DENND5B: variants seen among roughly 807,000 people sequenced by gnomAD.
DENND5B encodes DENN domain-containing protein 5B.
Under a neutral mutation model 140.6 loss-of-function variants are expected in DENND5B, and 34 were observed. That is an observed-to-expected ratio of 0.24 (90% CI 0.18 to 0.32). The LOEUF is 0.32. Among genes scored for constraint, DENND5B ranks in the 10% least tolerant of loss-of-function variants. The pLI is 1.00. For missense variants in DENND5B, 1,142 were observed against 1,560.2 expected, an observed-to-expected ratio of 0.73 and a Z score of 4.52; for synonymous variants, 551 against 562.1, an observed-to-expected ratio of 0.98 and a Z score of 0.28.
chr12:31,492,936 A>C (rs1486402068), intron 2 of DENND5B, among the ~76,000 whole-genome samples: 1 of 152,236 alleles, frequency 6.6e-6, no homozygotes, highest in African/African-American at 2.4e-5. Context: ...AGTTTAGGAA[A>C]ATAACCACAT....
intron 5 of DENND5B, among the ~76,000 whole-genome samples, chr12:31,449,328 T>C (rs1421528709): frequency 3.9e-5 from 6 of 152,230 alleles, no homozygotes; most frequent in African/African-American, 1.2e-4. Context: ...CAGGTGTATA[T>C]ACATAAATCC....
chr12:31,394,257 C>T (rs61918602), intron 17 of DENND5B, among the ~76,000 whole-genome samples: 7 of 150,474 alleles, frequency 4.7e-5, no homozygotes, highest in Non-Finnish European at 7.4e-5. Flanking sequence ...ATTTTCAGTT[C>T]TCTGAATACC....
rs1940818679 is a variant in DENND5B, at chr12:31,385,631, A to G, written c.*1972T>C. 1 of 152,240 alleles carries G rather than the reference A, an allele frequency of 6.6e-6. No homozygotes were observed. Among genetic ancestry groups the G allele is most frequent in the Non-Finnish European group, 1.5e-5 (1 of 68,054 alleles). The allele number at this position is 152,240 out of a possible 1,614,324, so 9.4% of individuals were successfully genotyped here. On this transcript the variant is annotated 3_prime_UTR_variant, in exon 21 of 21. Transcript: ENST00000389082. ...TGTAGACACACTTTAGCTTCAGGCA[A>G]ACAAATTTCTGGTGTACCCAGAACC...
Position 31,389,310 on chromosome 12 carries a change from A to C in DENND5B, c.3641+14T>G. The C allele has an allele frequency of 1.2e-6, 2 of 1,603,432 alleles. No individual in the cohort carries two copies. The highest frequency in any genetic ancestry group is 2.2e-5 in the East Asian group (1 of 44,756). On this transcript the variant is annotated intron_variant, in intron 20 of 20. Coordinates refer to ENST00000389082, the MANE Select transcript of DENND5B (RefSeq NM_144973.4). ...TGTGACAAAGATAGGGAAAATAAAA[A>C]ACTGGTTTTGTACCTTGTTCCAAGG...
At position 31,482,306 on chromosome 12, in the gene DENND5B, GAGTAACTACTTGACAATC is replaced by G. The variant is rs1426074201; in HGVS notation, c.238-2069_238-2052del. ...AATCTCATGAACCTGACTCTTAACT[GAGTAACTACTTGACAATC>G]CCATCAAGATGTCTAATAGGCAACT... On this transcript the variant is annotated intron_variant, in intron 2 of 20. Coordinates refer to ENST00000389082, the MANE Select transcript of DENND5B (RefSeq NM_144973.4). Among the ~76,000 whole-genome samples, 24 of 152,240 alleles carry G rather than the reference GAGTAACTACTTGACAATC, an allele frequency of 1.6e-4. No individual in the cohort carries two copies. In the South Asian group the frequency reaches 3.7e-3, roughly 24 times the overall value.
At chr12:31,548,047 CG>C (rs1167171438) in intron 1 of DENND5B, among the ~76,000 whole-genome samples, 2 of 152,044 alleles carry the variant, frequency 1.3e-5, no homozygotes, top group Non-Finnish European at 2.9e-5. Flanking sequence ...TCGCTTAAAA[CG>C]TAAGATATTA....
chr12:31,460,944 T>G lies in DENND5B; in HGVS notation c.905-563A>C, dbSNP rs541245654. On this transcript the variant is annotated intron_variant, in intron 3 of 20. Coordinates refer to ENST00000389082, the MANE Select transcript of DENND5B (RefSeq NM_144973.4). ...ATTCTCCATGTTGGCCAGGGTGATC[T>G]TGAACTCTTGACCTCAAGCAATCCG... Among the ~76,000 whole-genome samples the G allele has an allele frequency of 1.4e-4, 22 of 152,318 alleles. No individual in the cohort carries two copies. The South Asian group carries it at 4.4e-3, about 30-fold the overall frequency.
At chr12:31,516,629 T>C (rs920509422) in intron 1 of DENND5B, among the ~76,000 whole-genome samples, 4 of 152,234 alleles carry the variant, frequency 2.6e-5, no homozygotes, top group Admixed American at 1.3e-4. Context: ...ATACGATTTA[T>C]GTGCTCCTTC....
intron 1 of DENND5B, among the ~76,000 whole-genome samples, chr12:31,574,435 CAA>C (rs1219725840): frequency 3.3e-5 from 5 of 151,420 alleles, no homozygotes; most frequent in Non-Finnish European, 7.4e-5. Flanking sequence ...ACTAAAAATA[CAA>C]AAGTTAGCTG....
At chr12:31,464,717 C>A (rs892798942) in intron 3 of DENND5B, among the ~76,000 whole-genome samples, 1 of 152,022 alleles carries the variant, frequency 6.6e-6, no homozygotes, top group Non-Finnish European at 1.5e-5. Context: ...TGCACCACCA[C>A]GCCTGGCTAA....
At chr12:31,404,216 C>T (rs911193526) in intron 14 of DENND5B, among the ~76,000 whole-genome samples, 1 of 152,150 alleles carries the variant, frequency 6.6e-6, no homozygotes, top group African/African-American at 2.4e-5. Context: ...CACAGCGAGA[C>T]CCTATCTCAA....
intron 13 of DENND5B, among the ~76,000 whole-genome samples, chr12:31,409,921 C>A (rs1942361116): frequency 6.6e-6 from 1 of 152,204 alleles, no homozygotes; most frequent in Non-Finnish European, 1.5e-5. Context: ...TAGGCATGAG[C>A]CACTGGGGCT....
chr12:31,478,567 G>A (rs887400693), intron 3 of DENND5B, among the ~76,000 whole-genome samples: 1 of 152,066 alleles, frequency 6.6e-6, no homozygotes, highest in Non-Finnish European at 1.5e-5. Context: ...CTGATGCGGT[G>A]GCACATTCCT....
intron 11 of DENND5B, among the ~76,000 whole-genome samples, chr12:31,420,845 T>A (rs1044003280): frequency 7.9e-5 from 12 of 152,106 alleles, no homozygotes; most frequent in African/African-American, 2.7e-4. Flanking sequence ...GAAATAGGAT[T>A]TCAAACTACT....
In DENND5B at chr12:31,426,304, A is replaced by C. The variant is rs764050149; in HGVS notation, c.2227T>G (p.Cys743Gly). 1.2e-6 allele frequency: 2 copies of C among 1,607,864 alleles called. No individual in the cohort carries two copies. The highest frequency in any genetic ancestry group is 3.4e-5 in the Admixed American group (2 of 58,970). The change falls in exon 9 of 21, where the codon TGT becomes GGT. Residue 743 changes from cysteine (C) to glycine (G), a missense_variant. Physicochemically the swap from Cys to Gly is radical, Grantham distance 159 (BLOSUM62 -3). Coordinates refer to ENST00000389082, the MANE Select transcript of DENND5B (RefSeq NM_144973.4). ...TGAATAATACATACCTTCATTCTAC[A>C]TTCTTTTAATAAGCCTTCTACGAAT... ...CKFVEGLLKE[C>G]RMKTKRMLVE...
chr12:31,451,326 T>G (rs1434728180), intron 5 of DENND5B, among the ~76,000 whole-genome samples: 1 of 152,070 alleles, frequency 6.6e-6, no homozygotes. Context: ...TTTTTATTTA[T>G]TTATTTATTT....
At chr12:31,471,854 A>G (rs907012583) in intron 3 of DENND5B, among the ~76,000 whole-genome samples, 1 of 152,110 alleles carries the variant, frequency 6.6e-6, no homozygotes, top group Non-Finnish European at 1.5e-5. Context: ...GTTTTATCCA[A>G]TCCTTGAGGG....
intron 6 of DENND5B, among the ~76,000 whole-genome samples, chr12:31,445,684 G>A (rs1214035654): frequency 1.5e-5 from 2 of 133,742 alleles, no homozygotes; most frequent in Non-Finnish European, 3.2e-5. Context: ...CAGCCTGAGT[G>A]ACAGCGAGAT....
chr12:31,472,303 CTT>C (rs1305446742), intron 3 of DENND5B, among the ~76,000 whole-genome samples: 1 of 151,886 alleles, frequency 6.6e-6, no homozygotes, highest in Non-Finnish European at 1.5e-5. Flanking sequence ...AAACAAAAGT[CTT>C]TTTTGAGATG....
Sources: gnomAD v4.1 joint callset for allele counts (sites outside exome capture counted in the v4.1 genomes callset) on GRCh38, gnomAD v4.1.1 for gene constraint, MANE v1.5 for transcripts, NCBI Gene and HGNC (gene_info 2026-07-23, HGNC 2026-07-21) for gene names.